DTNB: variants seen among roughly 807,000 people sequenced by gnomAD.
DTNB encodes dystrobrevin beta, also known as DTN-B.
DTNB carries 63 observed loss-of-function variants against 90.7 expected under a neutral mutation model. That is an observed-to-expected ratio of 0.69 (90% CI 0.57 to 0.86). DTNB has a LOEUF of 0.86. Among genes scored for constraint, DTNB ranks in the 40% least tolerant of loss-of-function variants. DTNB has a pLI of 0.00. For synonymous variants in DTNB, 277 were observed against 286.7 expected (o/e 0.97, Z 0.34); for missense variants, 744 against 807.1 (o/e 0.92, Z 0.95).
At chr2:25,486,054 G>T (rs190716420) in intron 9 of DTNB, among the ~76,000 whole-genome samples, 258 of 151,940 alleles carry the variant, frequency 1.7e-3, no homozygotes, top group African/African-American at 5.9e-3. Flanking sequence ...CCCGGGAGGC[G>T]GAGGTTGCAG....
chr2:25,662,923 C>T (rs1048452104), intron 1 of DTNB, among the ~76,000 whole-genome samples: 4 of 152,072 alleles, frequency 2.6e-5, no homozygotes, highest in Non-Finnish European at 5.9e-5. Context: ...ACTTTAAGTT[C>T]TGCGATACAT....
chr2:25,479,892 A>G (rs190447924), intron 10 of DTNB, among the ~76,000 whole-genome samples: 3 of 152,300 alleles, frequency 2.0e-5, no homozygotes, highest in East Asian at 1.9e-4. Flanking sequence ...TAGCTGCTCT[A>G]TCTCCGCGAG....
At chr2:25,590,652 G>C (rs551843269) in intron 6 of DTNB, among the ~76,000 whole-genome samples, 10 of 152,300 alleles carry the variant, frequency 6.6e-5, no homozygotes, top group East Asian at 3.9e-4. Flanking sequence ...CTCCACAGCT[G>C]GTAATCATTT....
At chr2:25,556,199 C>G (rs1482173231) in intron 8 of DTNB, among the ~76,000 whole-genome samples, 2 of 122,580 alleles carry the variant, frequency 1.6e-5, no homozygotes, top group African/African-American at 6.5e-5. Context: ...TTTGCCATCA[C>G]AAATAACGCT....
intron 5 of DTNB, among the ~76,000 whole-genome samples, chr2:25,598,286 T>C (rs1033170564): frequency 6.6e-6 from 1 of 152,036 alleles, no homozygotes; most frequent in Admixed American, 6.6e-5. Flanking sequence ...TCAATCTTGA[T>C]ATAGAAATCA....
intron 12 of DTNB, among the ~76,000 whole-genome samples, 154 bp downstream of exon 12, chr2:25,451,394 G>A (rs377193171): frequency 5.3e-5 from 8 of 152,182 alleles, no homozygotes; most frequent in African/African-American, 1.7e-4. Context: ...TTATCAGGGT[G>A]AGGAAGTTTC....
chr2:25,658,217 A>G (rs1038109396), intron 1 of DTNB, among the ~76,000 whole-genome samples: 5 of 151,148 alleles, frequency 3.3e-5, no homozygotes, highest in South Asian at 4.2e-4. Context: ...AAATCGCACC[A>G]TTGCACTCCA....
intron 12 of DTNB, among the ~76,000 whole-genome samples, chr2:25,447,838 A>C (rs2058658315): frequency 6.6e-6 from 1 of 152,022 alleles, no homozygotes; most frequent in African/African-American, 2.4e-5. Flanking sequence ...ATATTCACCA[A>C]GGGTATAATG....
intron 8 of DTNB, among the ~76,000 whole-genome samples, chr2:25,547,236 AT>A (rs1283097466): frequency 6.6e-6 from 1 of 150,456 alleles, no homozygotes; most frequent in Admixed American, 6.6e-5. Flanking sequence ...AAATTTACTA[AT>A]TTTTTAATGT....
intron 2 of DTNB, among the ~76,000 whole-genome samples, chr2:25,648,774 G>A (rs2148908447): frequency 6.6e-6 from 1 of 151,990 alleles, no homozygotes; most frequent in East Asian, 1.9e-4. Flanking sequence ...TCATCTCAAG[G>A]GAAGCAGAAA....
intron 11 of DTNB, 135 bp downstream of exon 11, chr2:25,455,270 C>T (rs1210724555): frequency 1.1e-5 from 9 of 789,502 alleles, no homozygotes; most frequent in Non-Finnish European, 1.7e-5. Context: ...TATTTTAACT[C>T]TGCCAAACAT....
At chr2:25,455,991 T>C (rs1391753554) in intron 10 of DTNB, among the ~76,000 whole-genome samples, 3 of 152,354 alleles carry the variant, frequency 2.0e-5, no homozygotes, top group South Asian at 4.1e-4. Context: ...ATACTGCCTT[T>C]AGCATCAGTC....
chr2:25,632,410 A>G (rs2075974150), intron 3 of DTNB, among the ~76,000 whole-genome samples: 1 of 152,180 alleles, frequency 6.6e-6, no homozygotes. Context: ...TAAGGTTGTC[A>G]TGGTTTGAAT....
chr2:25,608,523 T>C (rs1205251533), intron 4 of DTNB, among the ~76,000 whole-genome samples: 1 of 152,210 alleles, frequency 6.6e-6, no homozygotes, highest in East Asian at 1.9e-4. Context: ...GAAATAAAGA[T>C]ACAGCTCCAT....
intron 16 of DTNB, among the ~76,000 whole-genome samples, chr2:25,392,434 A>G (rs1558322391): frequency 6.6e-6 from 1 of 152,200 alleles, no homozygotes. Context: ...GAATGAATGA[A>G]TGAGTGAGTG....
intron 11 of DTNB, among the ~76,000 whole-genome samples, chr2:25,452,927 C>A (rs1558587293): frequency 1.3e-5 from 2 of 151,980 alleles, no homozygotes; most frequent in South Asian, 4.2e-4. Context: ...GTAATAAGAA[C>A]AGACTACTAT....
At chr2:25,554,141 A>G (rs972771111) in intron 8 of DTNB, among the ~76,000 whole-genome samples, 2 of 152,218 alleles carry the variant, frequency 1.3e-5, no homozygotes, top group Admixed American at 6.5e-5. Flanking sequence ...GTGAATGTGT[A>G]TAGGGAAAAA....
intron 9 of DTNB, among the ~76,000 whole-genome samples, chr2:25,514,824 C>T (rs111676052): frequency 0.016 from 2,432 of 151,326 alleles, 39 homozygotes; most frequent in Non-Finnish European, 0.024. Context: ...GCTGGGATTG[C>T]AGGCCCCACC....
At chr2:25,482,599 A>AT (rs11372128) in intron 10 of DTNB, among the ~76,000 whole-genome samples, 197 bp downstream of exon 10, 22,206 of 152,084 alleles carry the variant, frequency 0.15, 1,815 homozygotes, top group Non-Finnish European at 0.18. Context: ...TTCAGTTGCT[A>AT]TATTTGTGAG....
Sources: allele counts gnomAD v4.1 joint callset (sites outside exome capture counted in the v4.1 genomes callset), GRCh38; gene constraint gnomAD v4.1.1; transcripts MANE v1.5; gene names NCBI Gene and HGNC (gene_info 2026-07-23, HGNC 2026-07-21).